The following HSF5 variants were observed in gnomAD, a reference collection of about 807,000 sequenced individuals.
HSF5 encodes heat shock factor protein 5.
Under a neutral mutation model 50.8 loss-of-function variants are expected in HSF5, and 5 were observed. The observed-to-expected ratio is 0.10, with a 90% confidence interval of 0.05 to 0.21. HSF5 has a LOEUF of 0.21. HSF5 is among the 10% of genes least tolerant of loss of function. The probability of loss-of-function intolerance (pLI) is 1.00; values close to 1 mark genes in which losing one functional copy is unlikely to be tolerated. For synonymous variants in HSF5, 307 were observed against 307.4 expected (o/e 1.00, Z 0.02); for missense variants, 564 against 762.6 (o/e 0.74, Z 3.07).
intron 5 of HSF5, among the ~76,000 whole-genome samples, chr17:58,454,039 A>G (rs1289695537): frequency 6.6e-6 from 1 of 152,112 alleles, no homozygotes; most frequent in Non-Finnish European, 1.5e-5. Flanking sequence ...GGTTGCAGTG[A>G]GCCGAGATTG....
rs564988832 is a variant in HSF5 at position 58,439,333 on chromosome 17, ACATATGTTGTGGGGAAAC to A, written c.1721-16921_1721-16904del. Among the ~76,000 whole-genome samples, 194 of 151,670 alleles carry A rather than the reference ACATATGTTGTGGGGAAAC, an allele frequency of 1.3e-3. 1 individual carries two copies. The highest frequency in any genetic ancestry group is 4.4e-3 in the African/African-American group (181 of 41,486). ...ACCAGAAAGAACGTAGAGGAAACTGACATATGTTGTGGGGAAACAACTTCAAAACCAGCCCTTCCATTT... is the reference window on the plus strand; with the variant it reads ...ACCAGAAAGAACGTAGAGGAAACTGAAACTTCAAAACCAGCCCTTCCATTT... On this transcript the variant is annotated intron_variant, in intron 5 of 5. Transcript: ENST00000323777.
intron 5 of HSF5, among the ~76,000 whole-genome samples, chr17:58,436,829 A>T (rs1974432923): frequency 6.6e-6 from 1 of 152,050 alleles, no homozygotes; most frequent in African/African-American, 2.4e-5. Flanking sequence ...GCAGAAAAAA[A>T]AAACCAACCA....
At chr17:58,446,296 G>T (rs1974562102) in intron 5 of HSF5, among the ~76,000 whole-genome samples, 1 of 152,106 alleles carries the variant, frequency 6.6e-6, no homozygotes. Flanking sequence ...CACAGTGCCT[G>T]GATTTAGCAT....
At position 58,420,988 on chromosome 17, in the gene HSF5, T is replaced by C. The variant is rs1974223918; in HGVS notation, c.*1372A>G. ...CTATGTCATATCACCAAGTGCCTTTTTAATTAGTTTCATATTCCTAGGCTT... is the reference window on the plus strand; with the variant it reads ...CTATGTCATATCACCAAGTGCCTTTCTAATTAGTTTCATATTCCTAGGCTT... On this transcript the variant is annotated 3_prime_UTR_variant, in exon 6 of 6. Coordinates refer to ENST00000323777, the MANE Select transcript of HSF5 (RefSeq NM_001080439.3). 2 of 152,654 alleles carry C rather than the reference T, an allele frequency of 1.3e-5. No individual in the cohort carries two copies. Among genetic ancestry groups the C allele is most frequent in the South Asian group, 2.1e-4 (1 of 4,836 alleles). 9.5% of individuals were successfully genotyped at this position (152,654 alleles called of 1,614,324 possible). A position where few individuals can be genotyped will look rare whatever the true frequency, so the allele number is the denominator to read the frequency against.
chr17:58,429,663 A>G (rs1393375415), intron 5 of HSF5, among the ~76,000 whole-genome samples: 2 of 152,086 alleles, frequency 1.3e-5, no homozygotes, highest in African/African-American at 4.8e-5. Flanking sequence ...CCTGGCCAAC[A>G]TGGTGAAACC....
At chr17:58,440,065 A>G (rs1367687710) in intron 5 of HSF5, among the ~76,000 whole-genome samples, 1 of 152,126 alleles carries the variant, frequency 6.6e-6, no homozygotes, top group East Asian at 1.9e-4. Context: ...CAACTAAAAA[A>G]CCTGGACAGA....
rs992985257 is a variant in HSF5, at chr17:58,422,231, CAATT to C, written c.*125_*128del. The C allele has an allele frequency of 2.0e-5, 13 of 653,972 alleles. No individual in the cohort carries two copies. In the Admixed American group the frequency reaches 3.2e-4, roughly 16 times the overall value. 40.5% of individuals were successfully genotyped at this position (653,972 alleles called of 1,614,324 possible). A position where few individuals can be genotyped will look rare whatever the true frequency, so the allele number is the denominator to read the frequency against. On this transcript the variant is annotated 3_prime_UTR_variant, in exon 6 of 6. Transcript: ENST00000323777. ...CCCAATTCTCAATTAACAAAATTCT[CAATT>C]AACGAAACAAAAAATACTTTTTTTT...
chr17:58,487,622 CG>C, intron 1 of HSF5, 102 bp downstream of exon 1: 7 of 1,301,072 alleles, frequency 5.4e-6, no homozygotes, highest in Non-Finnish European at 6.8e-6. Flanking sequence ...GCCTTTCCGA[CG>C]CCCATAGCGT....
chr17:58,483,411 G>C (rs1241889151), intron 1 of HSF5, among the ~76,000 whole-genome samples: 1 of 151,882 alleles, frequency 6.6e-6, no homozygotes, highest in East Asian at 1.9e-4. Context: ...TTCTGTTAAG[G>C]GTTACTTCAT....
At chr17:58,436,686 CTT>C (rs969110420) in intron 5 of HSF5, among the ~76,000 whole-genome samples, 6 of 152,002 alleles carry the variant, frequency 3.9e-5, no homozygotes, top group Non-Finnish European at 1.5e-5. Flanking sequence ...AGGTAATTGT[CTT>C]TGTTGAGGAA....
At chr17:58,484,981 G>A (rs1207458320) in intron 1 of HSF5, among the ~76,000 whole-genome samples, 2 of 111,484 alleles carry the variant, frequency 1.8e-5, no homozygotes, top group East Asian at 2.8e-4. Flanking sequence ...TTGAGACAGC[G>A]TCTCACTCTG....
intron 5 of HSF5, 98 bp downstream of exon 5, chr17:58,458,670 T>C: frequency 1.1e-6 from 1 of 949,982 alleles, no homozygotes; most frequent in South Asian, 1.8e-5. Flanking sequence ...TCTAATACAA[T>C]TATGAATAAT....
intron 5 of HSF5, among the ~76,000 whole-genome samples, chr17:58,449,475 G>A (rs569583647): frequency 3.9e-5 from 6 of 152,182 alleles, no homozygotes; most frequent in Admixed American, 1.3e-4. Context: ...CGAGGCAGGC[G>A]GATCACCAGA....
At chr17:58,431,510 T>C (rs1255604399) in intron 5 of HSF5, among the ~76,000 whole-genome samples, 1 of 152,222 alleles carries the variant, frequency 6.6e-6, no homozygotes. Context: ...CACTGTTCCA[T>C]ATATATGGTC....
chr17:58,443,672 T>C (rs1264595890), intron 5 of HSF5, among the ~76,000 whole-genome samples: 1 of 152,254 alleles, frequency 6.6e-6, no homozygotes, highest in African/African-American at 2.4e-5. Flanking sequence ...TTTCTCTTGT[T>C]ATATTAGTTC....
intron 2 of HSF5, among the ~76,000 whole-genome samples, chr17:58,474,312 A>G (rs965061916): frequency 6.6e-6 from 1 of 152,216 alleles, no homozygotes; most frequent in African/African-American, 2.4e-5. Context: ...AAAGTACTTC[A>G]GAATGCTCAA....
intron 2 of HSF5, among the ~76,000 whole-genome samples, chr17:58,467,431 T>A (rs1309880801): frequency 6.6e-6 from 1 of 152,196 alleles, no homozygotes; most frequent in African/African-American, 2.4e-5. Context: ...AAACAATGCA[T>A]CCAGTAGAAA....
At chr17:58,451,536 C>T (rs561790707) in intron 5 of HSF5, among the ~76,000 whole-genome samples, 3 of 152,212 alleles carry the variant, frequency 2.0e-5, no homozygotes, top group South Asian at 2.1e-4. Context: ...ACAGGAAGAA[C>T]TTTGGAAACT....
intron 4 of HSF5, among the ~76,000 whole-genome samples, chr17:58,459,555 G>A (rs1490729075): frequency 6.6e-6 from 1 of 150,980 alleles, no homozygotes; most frequent in Non-Finnish European, 1.5e-5. Flanking sequence ...GCTGAGGCAG[G>A]AGAATCGCTT....
Sources: gnomAD v4.1 joint callset for allele counts (sites outside exome capture counted in the v4.1 genomes callset) on GRCh38, gnomAD v4.1.1 for gene constraint, MANE v1.5 for transcripts, NCBI Gene and HGNC (gene_info 2026-07-23, HGNC 2026-07-21) for gene names.